The following SUGCT variants were observed in gnomAD, a reference collection of about 807,000 sequenced individuals.
SUGCT encodes succinyl-CoA:glutarate-CoA transferase, also known as succinyl-CoA:glutarate CoA-transferase.
Under a neutral mutation model 55.0 loss-of-function variants are expected in SUGCT, and 41 were observed. The observed-to-expected ratio is 0.74, with a 90% confidence interval of 0.58 to 0.97. The LOEUF (loss-of-function observed/expected upper bound fraction) is 0.97, where lower values mean the gene tolerates loss of function less well. Ranked by LOEUF, SUGCT falls within the 50% of genes least tolerant of loss-of-function variation. The pLI is 0.00. For missense variants in SUGCT, 568 were observed against 547.8 expected, an observed-to-expected ratio of 1.04 and a Z score of -0.37; for synonymous variants, 187 against 200.4, an observed-to-expected ratio of 0.93 and a Z score of 0.56.
chr7:40,952,387 T>C, the SUGCT span, among the ~76,000 whole-genome samples: 1 of 152,188 alleles, frequency 6.6e-6, no homozygotes, highest in East Asian at 1.9e-4. Context: ...AGCACACTGA[T>C]AGATCTTGAC....
At chr7:40,913,936 A>G in the SUGCT span, among the ~76,000 whole-genome samples, 1 of 152,234 alleles carries the variant, frequency 6.6e-6, no homozygotes, top group Non-Finnish European at 1.5e-5. Context: ...GAGTCAGGAA[A>G]ACAAATTTCA....
chr7:40,984,196 TG>T, the SUGCT span, among the ~76,000 whole-genome samples: 1 of 152,150 alleles, frequency 6.6e-6, no homozygotes, highest in Non-Finnish European at 1.5e-5. Flanking sequence ...AAGATTTGGT[TG>T]TTTTATAGCC....
chr7:40,998,556 T>C, the SUGCT span, among the ~76,000 whole-genome samples: 1 of 152,218 alleles, frequency 6.6e-6, no homozygotes, highest in Non-Finnish European at 1.5e-5. Flanking sequence ...CAGTCATAAA[T>C]TAGTATCTTT....
intron 6 of SUGCT, among the ~76,000 whole-genome samples, chr7:40,198,821 A>AC (rs1179455062): frequency 8.0e-5 from 12 of 150,408 alleles, no homozygotes; most frequent in Non-Finnish European, 1.6e-4. Context: ...ACATGACGAA[A>AC]CCCCGTCTCT....
chr7:40,462,633 G>A (rs1789865281), intron 11 of SUGCT, among the ~76,000 whole-genome samples: 1 of 152,100 alleles, frequency 6.6e-6, no homozygotes. Context: ...AGTGGTCTAT[G>A]CTTCTCCATT....
intron 9 of SUGCT, among the ~76,000 whole-genome samples, chr7:40,341,643 A>G (rs1789707707): frequency 6.6e-6 from 1 of 152,232 alleles, no homozygotes; most frequent in South Asian, 2.1e-4. Context: ...ATGGACAAGA[A>G]AGTGGCGGGG....
At chr7:40,907,924 CATT>C in the SUGCT span, among the ~76,000 whole-genome samples, 4 of 151,784 alleles carry the variant, frequency 2.6e-5, no homozygotes, top group Admixed American at 2.6e-4. Context: ...TAATTCTAAA[CATT>C]AGTAAATAAG....
At chr7:40,844,766 T>C (rs1347242972) in intron 13 of SUGCT, among the ~76,000 whole-genome samples, 1 of 152,226 alleles carries the variant, frequency 6.6e-6, no homozygotes, top group Non-Finnish European at 1.5e-5. Context: ...TCTGTATCAA[T>C]AGGAAGCTCT....
the SUGCT span, among the ~76,000 whole-genome samples, chr7:40,881,339 C>A: frequency 6.6e-6 from 1 of 152,190 alleles, no homozygotes; most frequent in Non-Finnish European, 1.5e-5. Context: ...GGAAGAATTC[C>A]TCTTCTTCAT....
chr7:40,439,348 C>G (rs975271410), intron 9 of SUGCT, among the ~76,000 whole-genome samples: 3 of 151,734 alleles, frequency 2.0e-5, no homozygotes, highest in Non-Finnish European at 4.4e-5. Context: ...AGACACCTCC[C>G]CATGCCTAGC....
At chr7:40,721,989 A>G (rs1786362727) in intron 12 of SUGCT, among the ~76,000 whole-genome samples, 1 of 152,228 alleles carries the variant, frequency 6.6e-6, no homozygotes, top group South Asian at 2.1e-4. Context: ...AAGTTCTTAT[A>G]GAAACCTTCA....
intron 1 of SUGCT, among the ~76,000 whole-genome samples, chr7:40,161,272 T>C (rs1434974742): frequency 6.6e-6 from 1 of 152,204 alleles, no homozygotes; most frequent in Non-Finnish European, 1.5e-5. Flanking sequence ...ATCTCTCACA[T>C]ATGTATCGCC....
At chr7:40,932,130 T>C in the SUGCT span, among the ~76,000 whole-genome samples, 52 of 152,236 alleles carry the variant, frequency 3.4e-4, no homozygotes, top group African/African-American at 1.3e-3. Flanking sequence ...TGTGTCTTTG[T>C]TCTCACTGGT....
At position 40,496,329 on chromosome 7, in the gene SUGCT, C is replaced by CA. The variant is rs1791974259; in HGVS notation, c.1033dup (p.Ser345LysfsTer48). On this transcript the variant is annotated frameshift_variant, in exon 12 of 14. Coordinates refer to ENST00000335693, the MANE Select transcript of SUGCT (RefSeq NM_001193313.2). LOFTEE classifies it high-confidence loss of function. Reference sequence around the variant, plus strand: ...GCAAGTGGTTATATCTTTTTGAAGGCAGTGGAGTCCCGTATGGCCCAATCA... The same window carrying CA: ...GCAAGTGGTTATATCTTTTTGAAGGCAAGTGGAGTCCCGTATGGCCCAATCA... The CA allele has an allele frequency of 1.2e-6, 2 of 1,613,178 alleles. No individual in the cohort carries two copies. The highest frequency in any genetic ancestry group is 1.7e-6 in the Non-Finnish European group (2 of 1,179,434).
intron 12 of SUGCT, among the ~76,000 whole-genome samples, chr7:40,550,504 T>C (rs1194149848): frequency 6.6e-6 from 1 of 152,196 alleles, no homozygotes; most frequent in Non-Finnish European, 1.5e-5. Context: ...AAGAACTGTT[T>C]ATGCCTGCTT....
chr7:41,013,775 A>C, the SUGCT span, among the ~76,000 whole-genome samples: 1 of 151,964 alleles, frequency 6.6e-6, no homozygotes, highest in East Asian at 1.9e-4. Context: ...TTTAAAGAAA[A>C]GAAACATTGA....
At chr7:40,295,534 C>G (rs1363132118) in intron 8 of SUGCT, among the ~76,000 whole-genome samples, 1 of 152,166 alleles carries the variant, frequency 6.6e-6, no homozygotes, top group African/African-American at 2.4e-5. Context: ...TGAGATTGTG[C>G]CACTGCACTC....
In SUGCT at chr7:40,384,788, G is replaced by A. The variant is rs762013368; in HGVS notation, c.817-64499G>A. 1.4e-4 allele frequency among the ~76,000 whole-genome samples: 21 copies of A among 151,666 alleles called. 2 individuals are homozygous for A. Among genetic ancestry groups the A allele is most frequent in the South Asian group, 6.3e-4 (3 of 4,800 alleles). ...TTGAATGCCTGACCTCAAGTGATCC[G>A]CGTGCCTTGGCCTCCCAAAGTGCTA... On this transcript the variant is annotated intron_variant, in intron 9 of 13. Transcript: ENST00000335693.
intron 9 of SUGCT, among the ~76,000 whole-genome samples, chr7:40,416,902 A>C (rs1787032799): frequency 6.6e-6 from 1 of 151,998 alleles, no homozygotes; most frequent in Non-Finnish European, 1.5e-5. Flanking sequence ...CCTTTAAAAA[A>C]CAAGGCTTTA....
Sources: allele counts gnomAD v4.1 joint callset (sites outside exome capture counted in the v4.1 genomes callset), GRCh38; gene constraint gnomAD v4.1.1; transcripts MANE v1.5; gene names NCBI Gene and HGNC (gene_info 2026-07-23, HGNC 2026-07-21).